PCSK5: variants seen among roughly 807,000 people sequenced by gnomAD.
The protein encoded by PCSK5 is prohormone convertase 5.
In PCSK5, 129 loss-of-function variants were observed where a neutral mutation model predicts 233.2. That is an observed-to-expected ratio of 0.55 (90% CI 0.48 to 0.64). The LOEUF (loss-of-function observed/expected upper bound fraction) is 0.64, where lower values mean the gene tolerates loss of function less well. Ranked by LOEUF, PCSK5 falls within the 30% of genes least tolerant of loss-of-function variation. The probability of loss-of-function intolerance (pLI) is 0.00; values close to 1 mark genes in which losing one functional copy is unlikely to be tolerated. For synonymous variants in PCSK5, 825 were observed against 879.2 expected (o/e 0.94, Z 1.09); for missense variants, 2,076 against 2,430.1 (o/e 0.85, Z 3.06).
intron 3 of PCSK5, among the ~76,000 whole-genome samples, chr9:75,989,231 T>C (rs1826659776): frequency 6.6e-6 from 1 of 152,206 alleles, no homozygotes; most frequent in Non-Finnish European, 1.5e-5. Context: ...TAAAAGTGTC[T>C]AGCTCTTATG....
At chr9:76,171,228 T>C (rs996132460) in intron 13 of PCSK5, among the ~76,000 whole-genome samples, 2 of 152,124 alleles carry the variant, frequency 1.3e-5, no homozygotes, top group South Asian at 2.1e-4. Context: ...TCTCCTTTCT[T>C]CCTCTTTGCA....
Position 75,969,678 on chromosome 9 carries a change from G to T in PCSK5, c.298-16454G>T, listed in dbSNP as rs75330875. On this transcript the variant is annotated intron_variant, in intron 2 of 37. Transcript: ENST00000674117. ...TGGGTGTAGCTTGGTTCACGAACGC[G>T]TTACCATAGTCACATGGTGGACATT... Among the ~76,000 whole-genome samples the T allele has an allele frequency of 9.3e-3, 1,418 of 152,176 alleles. 11 individuals carry two copies. Among genetic ancestry groups the T allele is most frequent in the Middle Eastern group, 0.02 (6 of 294 alleles).
intron 1 of PCSK5, among the ~76,000 whole-genome samples, chr9:75,898,025 C>G (rs549391529): frequency 1.3e-5 from 2 of 152,300 alleles, no homozygotes; most frequent in African/African-American, 2.4e-5. Flanking sequence ...CTTTATATGC[C>G]TTTCTGAAAA....
chr9:76,164,418 C>T (rs1263976675), intron 12 of PCSK5, among the ~76,000 whole-genome samples: 1 of 152,170 alleles, frequency 6.6e-6, no homozygotes, highest in Non-Finnish European at 1.5e-5. Context: ...TTGGTTGGTA[C>T]ACGTATTAAG....
intron 5 of PCSK5, among the ~76,000 whole-genome samples, chr9:76,054,720 CT>C (rs1296688142): frequency 6.6e-6 from 1 of 152,062 alleles, no homozygotes; most frequent in African/African-American, 2.4e-5. Context: ...GTACAGAGTT[CT>C]TTACTTAGTT....
intron 11 of PCSK5, among the ~76,000 whole-genome samples, chr9:76,158,237 A>G (rs1822691725): frequency 6.6e-6 from 1 of 152,204 alleles, no homozygotes; most frequent in Non-Finnish European, 1.5e-5. Flanking sequence ...GATAGGGGAC[A>G]TATTTTCACC....
rs927528648 is a variant in PCSK5 at position 75,962,909 on chromosome 9, C to T, written c.298-23223C>T. 4.6e-5 allele frequency among the ~76,000 whole-genome samples: 7 copies of T among 152,144 alleles called. 1 individual carries two copies. Among genetic ancestry groups the T allele is most frequent in the African/African-American group, 9.7e-5 (4 of 41,434 alleles). ...AGACACTGTGTGTGTGTTGGTTAAT[C>T]GCATGGGTTCTGGAGTCAGATCTTG... On this transcript the variant is annotated intron_variant, in intron 2 of 37. Transcript: ENST00000674117.
chr9:75,981,789 C>T (rs1305948455), intron 2 of PCSK5, among the ~76,000 whole-genome samples: 1 of 152,132 alleles, frequency 6.6e-6, no homozygotes, highest in African/African-American at 2.4e-5. Flanking sequence ...TCTTGAACTC[C>T]TGGGCATAAA....
chr9:76,253,378 A>G (rs1467537839), intron 24 of PCSK5, among the ~76,000 whole-genome samples: 1 of 152,224 alleles, frequency 6.6e-6, no homozygotes, highest in East Asian at 1.9e-4. Context: ...TAAAAAAATT[A>G]TAAACTGACT....
intron 25 of PCSK5, among the ~76,000 whole-genome samples, chr9:76,293,784 G>A (rs1828350172): frequency 6.6e-6 from 1 of 152,204 alleles, no homozygotes; most frequent in Admixed American, 6.5e-5. Context: ...CAAATACCCT[G>A]GAAGAACATG....
intron 22 of PCSK5, among the ~76,000 whole-genome samples, chr9:76,237,633 G>T (rs977138141): frequency 1.5e-4 from 23 of 151,658 alleles, no homozygotes; most frequent in Non-Finnish European, 3.1e-4. Flanking sequence ...AAAAATGGTT[G>T]GGCATGGTGG....
Position 76,134,118 on chromosome 9 carries a change from G to T in PCSK5, c.1218G>T (p.Leu406=). The part of the protein sequence containing the change: ...IALALEANPF[L]TWRDVQHVIV... ...CCTTGTCTTTCCCCAGTCCGTTTCT[G>T]ACCTGGAGAGACGTACAGCATGTTA... Residue 406 remains leucine (L), a synonymous_variant, in exon 10 of 38, where the codon CTG becomes CTT. Coordinates refer to ENST00000674117, the MANE Select transcript of PCSK5 (RefSeq NM_001372043.1). 1 of 1,589,062 alleles carries T rather than the reference G, an allele frequency of 6.3e-7. No homozygotes were observed. Among genetic ancestry groups the T allele is most frequent in the Non-Finnish European group, 8.6e-7 (1 of 1,165,214 alleles).
chr9:76,300,378 G>GT (rs1307496359), intron 27 of PCSK5, among the ~76,000 whole-genome samples: 2 of 152,178 alleles, frequency 1.3e-5, no homozygotes, highest in Non-Finnish European at 2.9e-5. Flanking sequence ...ATGGCACTGG[G>GT]TAAGTAATTA....
At chr9:76,020,329 C>T (rs1357324612) in intron 3 of PCSK5, among the ~76,000 whole-genome samples, 1 of 152,178 alleles carries the variant, frequency 6.6e-6, no homozygotes, top group Non-Finnish European at 1.5e-5. Context: ...TTCCCATAGC[C>T]TTTGGTCTCT....
At chr9:76,078,733 AG>A (rs1830727977) in intron 7 of PCSK5, among the ~76,000 whole-genome samples, 1 of 152,160 alleles carries the variant, frequency 6.6e-6, no homozygotes, top group African/African-American at 2.4e-5. Context: ...GTAGGCTTTT[AG>A]TATAGTTTAT....
In PCSK5 at chr9:75,976,292, A is replaced by G. The variant is rs1341403770; in HGVS notation, c.298-9840A>G. On this transcript the variant is annotated intron_variant, in intron 2 of 37. Transcript: ENST00000674117. The stretch of plus-strand genomic sequence containing the variant: ...ACAGACACCACACACACACACACAC[A>G]CACACACACACACACACACACACAC... 7.3e-5 allele frequency among the ~76,000 whole-genome samples: 5 copies of G among 68,310 alleles called. No individual in the cohort carries two copies. In the East Asian group the frequency reaches 1.7e-3, roughly 24 times the overall value. The allele number at this position is 68,310 out of a possible 152,430, so 44.8% of individuals were successfully genotyped here.
intron 13 of PCSK5, among the ~76,000 whole-genome samples, chr9:76,172,578 G>T (rs1000367087): frequency 6.6e-6 from 1 of 152,012 alleles, no homozygotes; most frequent in Non-Finnish European, 1.5e-5. Context: ...GCACTTAGAG[G>T]GTAAACTTTT....
At chr9:76,341,978 G>T (rs938884308) in intron 35 of PCSK5, among the ~76,000 whole-genome samples, 2 of 152,200 alleles carry the variant, frequency 1.3e-5, no homozygotes, top group Non-Finnish European at 2.9e-5. Context: ...GGTAGAAAAG[G>T]TGAGCTCACA....
rs376122089 is a variant in PCSK5 at position 76,021,705 on chromosome 9, G to A, written c.412-2033G>A. On this transcript the variant is annotated intron_variant, in intron 3 of 37. Transcript: ENST00000674117. ...AATGTATTTATAACACTCAACAAAA[G>A]GCAGTCTCATTTGGGGAATAAATTA... Among the ~76,000 whole-genome samples the A allele has an allele frequency of 6.6e-4, 100 of 152,248 alleles. 5 individuals are homozygous for A. In the South Asian group the frequency reaches 0.016, roughly 24 times the overall value.
Sources: allele counts gnomAD v4.1 joint callset (sites outside exome capture counted in the v4.1 genomes callset), GRCh38; gene constraint gnomAD v4.1.1; transcripts MANE v1.5; gene names NCBI Gene and HGNC (gene_info 2026-07-23, HGNC 2026-07-21).